The following DDOST variants were observed in gnomAD, a reference collection of about 807,000 sequenced individuals.
DDOST encodes dolichyl-diphosphooligosaccharide--protein glycosyltransferase 48 kDa subunit.
A neutral mutation model predicts 47.6 loss-of-function variants in DDOST; 25 were observed. The observed-to-expected ratio is 0.53, with a 90% confidence interval of 0.38 to 0.73. The LOEUF (loss-of-function observed/expected upper bound fraction) is 0.73, where lower values mean the gene tolerates loss of function less well. DDOST is among the 30% of genes least tolerant of loss of function. The pLI is 0.00. For missense variants in DDOST, 526 were observed against 573.9 expected (o/e 0.92, Z 0.85); for synonymous variants, 275 against 236.0 (o/e 1.17, Z -1.51).
At chr1:20,655,594 C>T in intron 4 of DDOST, 60 bp from the exon 5 acceptor site, 1 of 1,591,572 alleles carries the variant, frequency 6.3e-7, no homozygotes, top group South Asian at 1.1e-5. Context: ...CCAGGGAGAA[C>T]CTCCTCACAC....
Position 20,654,324 on chromosome 1 carries a change from C to A in DDOST, c.693G>T (p.Gln231His), listed in dbSNP as rs1332290587. ...AGATGACGCGGGCATTGTTCCTGGC[C>A]TGGAGCCCAGCAATGAGGAGGGTGT... ...GKNTLLIAGL[Q>H]ARNNARVIFS... Residue 231 changes from glutamine to histidine, a missense_variant, in exon 7 of 11, where the codon CAG becomes CAT. Transcript: ENST00000602624. The A allele has an allele frequency of 3.2e-6, 5 of 1,556,612 alleles. No homozygotes were observed. Among genetic ancestry groups the A allele is most frequent in the Non-Finnish European group, 4.4e-6 (5 of 1,149,340 alleles).
Position 20,652,858 on chromosome 1 carries a change from C to A in DDOST, c.1056G>T (p.Lys352Asn), listed in dbSNP as rs1487201410. ...TGCAGGAACTACACTCACCTTTCTT[C>A]TTCAGGAAGGTCCTCACAAAAGGAT... ...RIDPFVRTFLKKKGGKYSVQF... is the reference protein window; with the variant it reads ...RIDPFVRTFLNKKGGKYSVQF... The change falls in exon 9 of 11, where the codon AAG (lysine) becomes AAT (asparagine). Residue 352 changes from lysine to asparagine, a missense_variant. Transcript: ENST00000602624. 6.2e-7 allele frequency: 1 copy of A among 1,614,208 alleles called. No homozygotes were observed.
In DDOST at chr1:20,655,676, C is replaced by T. The variant is rs1406172194; in HGVS notation, c.456G>A (p.Gln152=). ...CCTGGAAGGTGACAGGCCTGATTACCTGGCCAAGGTCTGAGATGTCATAGT... is the reference window on the plus strand; with the variant it reads ...CCTGGAAGGTGACAGGCCTGATTACTTGGCCAAGGTCTGAGATGTCATAGT... ...HHNYDISDLG[Q]HTLIVADTEN... Residue 152 remains glutamine (Q), a splice_region_variant and synonymous_variant, in exon 4 of 11, where the codon CAG becomes CAA. Transcript: ENST00000602624. 3 of 1,613,424 alleles carry T rather than the reference C, an allele frequency of 1.9e-6. No individual in the cohort carries two copies. The highest frequency in any genetic ancestry group is 2.5e-6 in the Non-Finnish European group (3 of 1,179,436).
At chr1:20,653,549 T>C in intron 8 of DDOST, 78 bp downstream of exon 8, 1 of 1,406,512 alleles carries the variant, frequency 7.1e-7, no homozygotes, top group Non-Finnish European at 9.6e-7. Context: ...AGCAAAGAAG[T>C]GTTCAATAAG....
At chr1:20,654,457 G>T in intron 6 of DDOST, 86 bp from the exon 7 acceptor site, 1 of 1,466,226 alleles carries the variant, frequency 6.8e-7, no homozygotes, top group Non-Finnish European at 9.3e-7. Flanking sequence ...CAGCAGGCCA[G>T]ACCAAAACGA....
chr1:20,654,488 GGAGCCT>G, intron 6 of DDOST, 117 bp from the exon 7 acceptor site: 1 of 1,408,330 alleles, frequency 7.1e-7, no homozygotes, highest in South Asian at 1.3e-5. Flanking sequence ...ACCTGAAGGG[GGAGCCT>G]GAGACCACAC....
intron 2 of DDOST, 42 bp downstream of exon 2, chr1:20,660,839 G>T (rs1557574652): frequency 2.5e-6 from 3 of 1,180,208 alleles, no homozygotes; most frequent in Non-Finnish European, 3.8e-6. Flanking sequence ...ATCAAGTCCC[G>T]GGTCTCGAAT....
In DDOST at chr1:20,654,675, A is replaced by G. The variant is rs1241170939; in HGVS notation, c.584T>C (p.Leu195Pro). 1.1e-5 allele frequency: 17 copies of G among 1,562,590 alleles called. No individual in the cohort carries two copies. The highest frequency in any genetic ancestry group is 1.4e-5 in the Non-Finnish European group (16 of 1,152,262). Residue 195 changes from leucine (L) to proline (P), a missense_variant, in exon 6 of 11, where the codon CTG becomes CCG. Coordinates refer to ENST00000602624, the MANE Select transcript of DDOST (RefSeq NM_005216.5). ...MVADPDNPLVLDILTGSSTSY... is the reference protein window; with the variant it reads ...MVADPDNPLVPDILTGSSTSY... ...GGTGGAAGAGCCCGTCAGGATGTCC[A>G]GCACCAAAGGGTTATCAGGATCGGC...
intron 2 of DDOST, among the ~76,000 whole-genome samples, chr1:20,660,183 G>C (rs546195126): frequency 2.0e-5 from 3 of 152,334 alleles, no homozygotes; most frequent in South Asian, 4.1e-4. Flanking sequence ...AACAAGATAA[G>C]CATTCTATCT....
intron 2 of DDOST, among the ~76,000 whole-genome samples, chr1:20,658,840 GTTTT>G (rs1328893176): frequency 1.4e-5 from 2 of 147,258 alleles, no homozygotes; most frequent in South Asian, 4.3e-4. Flanking sequence ...TGTTGTTTTA[GTTTT>G]TTTTCTCTTT....
intron 7 of DDOST, 102 bp downstream of exon 7, chr1:20,654,121 G>C: frequency 2.9e-6 from 4 of 1,357,872 alleles, no homozygotes; most frequent in Non-Finnish European, 4.0e-6. Context: ...CTCAGCCTCT[G>C]ACACTTTTAG....
rs761280123 is a variant in DDOST, at chr1:20,652,430, G to A, written c.1269C>T (p.Phe423=). The change falls in exon 11 of 11, where the codon TTC becomes TTT. Residue 423 remains phenylalanine, a synonymous_variant. Coordinates refer to ENST00000602624, the MANE Select transcript of DDOST (RefSeq NM_005216.5). The stretch of plus-strand genomic sequence containing the variant: ...TGTGCAAGAAGACGATGCTGAAGAT[G>A]AAGAGCCCCAGCATCATGGAGAAGG... ...ASAFSMMLGL[F]IFSIVFLHMK... 6 of 1,613,972 alleles carry A rather than the reference G, an allele frequency of 3.7e-6. No individual in the cohort carries two copies. In the South Asian group the frequency reaches 6.6e-5, roughly 18 times the overall value.
At position 20,654,253 on chromosome 1, in the gene DDOST, G is replaced by A; in HGVS notation, c.764C>T (p.Ala255Val). ...GGAGCCGGGCGCCGCCTTCTGCACTGCTGAGTTGAAGAAGGAGTCGCTGAA... is the reference window on the plus strand; with the variant it reads ...GGAGCCGGGCGCCGCCTTCTGCACTACTGAGTTGAAGAAGGAGTCGCTGAA... Reference protein sequence around the residue: ...DFFSDSFFNSAVQKAAPGSQR... With the variant: ...DFFSDSFFNSVVQKAAPGSQR... The change falls in exon 7 of 11, where the codon GCA becomes GTA. Residue 255 changes from alanine to valine, a missense_variant. By Grantham distance (64) the Ala-to-Val change is moderately conservative. Coordinates refer to ENST00000602624, the MANE Select transcript of DDOST (RefSeq NM_005216.5). The A allele has an allele frequency of 1.3e-6, 2 of 1,551,490 alleles. No homozygotes were observed. Among genetic ancestry groups the A allele is most frequent in the Non-Finnish European group, 1.7e-6 (2 of 1,147,054 alleles).
Position 20,653,660 on chromosome 1 carries a change from G to A in DDOST, c.909C>T (p.Ala303=). The change falls in exon 8 of 11, where the codon GCC becomes GCT. Residue 303 remains alanine (A), a synonymous_variant. Coordinates refer to ENST00000602624, the MANE Select transcript of DDOST (RefSeq NM_005216.5). ...PVSHHRVGET[A]PPNAYTVTDL... The stretch of plus-strand genomic sequence containing the variant: ...CAGTGACAGTGTAGGCATTGGGTGG[G>A]GCTGTCTCGCCCACCCGATGATGGG... 3.7e-6 allele frequency: 6 copies of A among 1,612,798 alleles called. No homozygotes were observed. The highest frequency in any genetic ancestry group is 4.2e-6 in the Non-Finnish European group (5 of 1,179,148).
Position 20,655,760 on chromosome 1 carries a change from C to T in DDOST, c.372G>A (p.Leu124=). 2 of 1,614,074 alleles carry T rather than the reference C, an allele frequency of 1.2e-6. No homozygotes were observed. The highest frequency in any genetic ancestry group is 8.5e-7 in the Non-Finnish European group (1 of 1,180,010). ...CAAACTCAATCCCGCACTCACTGCCCAGCTCTCGAAGAGGGTCACCTGCAC... is the reference window on the plus strand; with the variant it reads ...CAAACTCAATCCCGCACTCACTGCCTAGCTCTCGAAGAGGGTCACCTGCAC... ...SSDIGDPLRE[L]GSECGIEFDE... The change falls in exon 4 of 11, where the codon CTG becomes CTA. Residue 124 remains leucine (L), a synonymous_variant. Coordinates refer to ENST00000602624, the MANE Select transcript of DDOST (RefSeq NM_005216.5).
intron 2 of DDOST, among the ~76,000 whole-genome samples, chr1:20,658,864 T>C (rs2053405409): frequency 1.3e-5 from 2 of 150,912 alleles, no homozygotes; most frequent in Admixed American, 6.6e-5. Context: ...TTCTTTTTTT[T>C]TTTTTTTTTG....
chr1:20,658,273 G>A (rs1006436056), intron 2 of DDOST, among the ~76,000 whole-genome samples: 2 of 152,230 alleles, frequency 1.3e-5, no homozygotes, highest in African/African-American at 4.8e-5. Context: ...GCCTTCCGAT[G>A]CCAGAGGGCA....
At chr1:20,658,403 C>T (rs1374900821) in intron 2 of DDOST, among the ~76,000 whole-genome samples, 1 of 152,254 alleles carries the variant, frequency 6.6e-6, no homozygotes, top group East Asian at 1.9e-4. Context: ...AAACCCCTAC[C>T]CCGAACCCTG....
rs574541385 is a variant in DDOST, at chr1:20,656,519, C to A, written c.266-332G>T. Among the ~76,000 whole-genome samples the A allele has an allele frequency of 7.2e-5, 11 of 152,270 alleles. No individual in the cohort carries two copies. In the South Asian group the frequency reaches 2.3e-3, roughly 32 times the overall value. ...TATGCATTTGGAAATGCCGTACTGC[C>A]CATATTTCATCTCATCACCTGCACC... On this transcript the variant is annotated intron_variant, in intron 2 of 10. Coordinates refer to ENST00000602624, the MANE Select transcript of DDOST (RefSeq NM_005216.5).
Sources: gnomAD v4.1 joint callset for allele counts (sites outside exome capture counted in the v4.1 genomes callset) on GRCh38, gnomAD v4.1.1 for gene constraint, MANE v1.5 for transcripts, NCBI Gene and HGNC (gene_info 2026-07-23, HGNC 2026-07-21) for gene names.